The following MYO18A variants were observed in gnomAD, a reference collection of about 807,000 sequenced individuals.
MYO18A encodes unconventional myosin-XVIIIa.
MYO18A carries 78 observed loss-of-function variants against 235.8 expected under a neutral mutation model. That is an observed-to-expected ratio of 0.33 (90% confidence interval 0.28 to 0.40). The LOEUF is 0.40. MYO18A is among the 10% of genes least tolerant of loss of function. The pLI is 1.00. For missense variants in MYO18A, 2,215 were observed against 2,699.3 expected (o/e 0.82, Z 3.98); for synonymous variants, 977 against 1,077.8 (o/e 0.91, Z 1.83).
chr17:29,089,291 C>T (rs1450469531), intron 37 of MYO18A, among the ~76,000 whole-genome samples: 1 of 150,904 alleles, frequency 6.6e-6, no homozygotes, highest in Non-Finnish European at 1.5e-5. Context: ...AAAAAAAGCA[C>T]GTGCCTGTAG....
At chr17:29,093,266 C>T in intron 32 of MYO18A, 57 bp downstream of exon 32, 1 of 1,469,714 alleles carries the variant, frequency 6.8e-7, no homozygotes, top group Admixed American at 1.9e-5. Flanking sequence ...GATCCCCACT[C>T]CTCAGGCCGC....
chr17:29,082,302 G>A lies in MYO18A; in HGVS notation c.6020+14C>T, dbSNP rs762303561. 33 of 1,613,622 alleles carry A rather than the reference G, an allele frequency of 2.0e-5. No individual in the cohort carries two copies. Among genetic ancestry groups the A allele is most frequent in the Non-Finnish European group, 2.7e-5 (32 of 1,179,722 alleles). On this transcript the variant is annotated intron_variant, in intron 41 of 41. Coordinates refer to ENST00000527372, the MANE Select transcript of MYO18A (RefSeq NM_078471.4). ...AAGGTGGCTTTTCCTCCCAGCTCAA[G>A]GCCATATGCTCACCTGGAACTCTTT...
At position 29,121,661 on chromosome 17, in the gene MYO18A, G is replaced by A; in HGVS notation, c.1257C>T (p.Ser419=). The part of the protein sequence containing the change: ...DLASLVYLNE[S]SVLHTLRQRY... ...GCTGGCGCAAGGTGTGCAGGACGCT[G>A]GACTCATTGAGGTACACCAGTGAGG... The change falls in exon 5 of 42, where the codon TCC becomes TCT. Residue 419 remains serine, a synonymous_variant. Coordinates refer to ENST00000527372, the MANE Select transcript of MYO18A (RefSeq NM_078471.4). This position sits in a 1 kb window ranked among gnomAD's most constrained non-coding sequence, Gnocchi z 4.2. 6.4e-7 allele frequency: 1 copy of A among 1,566,590 alleles called. No homozygotes were observed. The highest frequency in any genetic ancestry group is 8.7e-7 in the Non-Finnish European group (1 of 1,155,738).
Position 29,106,253 on chromosome 17 carries a change from C to T in MYO18A, c.3441+827G>A, listed in dbSNP as rs145164018. On this transcript the variant is annotated intron_variant, in intron 20 of 41. Transcript: ENST00000527372. The surrounding 1 kb of genome is among the most constrained non-coding windows in gnomAD (Gnocchi z 4.6). Reference sequence around the variant, plus strand: ...GGGCCTGTGAGAAGGGGGCGTGGGACGGGCATCTATGTCCACATGAGGTTG... The same window carrying T: ...GGGCCTGTGAGAAGGGGGCGTGGGATGGGCATCTATGTCCACATGAGGTTG... Among the ~76,000 whole-genome samples, 46 of 152,170 alleles carry T rather than the reference C, an allele frequency of 3.0e-4. No individual in the cohort carries two copies. The East Asian group carries it at 3.7e-3, about 12-fold the overall frequency.
intron 1 of MYO18A, among the ~76,000 whole-genome samples, chr17:29,173,369 G>A (rs1310326370): frequency 5.9e-5 from 9 of 151,588 alleles, no homozygotes; most frequent in Non-Finnish European, 1.3e-4. Context: ...TGGGATTACA[G>A]GCTTGAGCCA....
chr17:29,138,508 AG>A (rs1252882797), intron 2 of MYO18A, among the ~76,000 whole-genome samples: 3 of 152,214 alleles, frequency 2.0e-5, no homozygotes, highest in Admixed American at 6.5e-5. Flanking sequence ...AGGGCGAGGA[AG>A]GGTGGCAGGA....
At chr17:29,108,316 AC>A (rs1237561810) in intron 19 of MYO18A, among the ~76,000 whole-genome samples, 1 of 152,010 alleles carries the variant, frequency 6.6e-6, no homozygotes, top group Non-Finnish European at 1.5e-5. Context: ...GGGAGGTGTG[AC>A]CTGACTTTTG....
rs766119466 is a variant in MYO18A at position 29,073,984 on chromosome 17, C to A, written c.*786G>T. 1.8e-5 allele frequency: 29 copies of A among 1,613,864 alleles called. No homozygotes were observed. The South Asian group carries it at 3.0e-4, about 17-fold the overall frequency. ...GGTTTACCTTAAATAGGTCATTGCACATAACACGCTGAGACAAAGAGGGTG... is the reference window on the plus strand; with the variant it reads ...GGTTTACCTTAAATAGGTCATTGCAAATAACACGCTGAGACAAAGAGGGTG... On this transcript the variant is annotated 3_prime_UTR_variant, in exon 42 of 42. Transcript: ENST00000527372.
At chr17:29,171,478 T>C (rs1445071450) in intron 1 of MYO18A, among the ~76,000 whole-genome samples, 1 of 151,912 alleles carries the variant, frequency 6.6e-6, no homozygotes, top group African/African-American at 2.4e-5. Flanking sequence ...TTTGTAAATA[T>C]CCACTCAAAA....
At chr17:29,154,303 G>C (rs1325734682) in intron 2 of MYO18A, among the ~76,000 whole-genome samples, 1 of 152,064 alleles carries the variant, frequency 6.6e-6, no homozygotes, top group Non-Finnish European at 1.5e-5. Flanking sequence ...GCACAGGGTG[G>C]CTCACCTCCC....
chr17:29,096,173 AGAG>A (rs1212547128), intron 28 of MYO18A, among the ~76,000 whole-genome samples: 2 of 152,184 alleles, frequency 1.3e-5, no homozygotes, highest in African/African-American at 2.4e-5. Context: ...CTTCCCCTGC[AGAG>A]GAGAAATGGG....
chr17:29,134,029 A>G, intron 2 of MYO18A: 1 of 343,008 alleles, frequency 2.9e-6, no homozygotes. Context: ...TAAAATATTA[A>G]AGGAAAATGA....
chr17:29,110,711 A>C, intron 17 of MYO18A, 89 bp from the exon 18 acceptor site: 1 of 1,351,758 alleles, frequency 7.4e-7, no homozygotes, highest in Non-Finnish European at 1.0e-6. Context: ...CAGAACACTA[A>C]ACAGTCCCAT....
chr17:29,166,319 G>C lies in MYO18A; in HGVS notation c.622C>G (p.Pro208Ala), dbSNP rs1191118480. The C allele has an allele frequency of 4.3e-6, 7 of 1,612,372 alleles. No homozygotes were observed. In the Admixed American group the frequency reaches 6.7e-5, roughly 15 times the overall value. ...GGTGGGGGCAGGGGCACCACGGGGG[G>C]CAGGCGCAGGTCGACTGGGAACTTT... ...TKKFPVDLRLPPVVPLPPPTL... is the reference protein window; with the variant it reads ...TKKFPVDLRLAPVVPLPPPTL... The change falls in exon 2 of 42, where the codon CCC (proline) becomes GCC (alanine). Residue 208 changes from proline to alanine, a missense_variant. Transcript: ENST00000527372.
chr17:29,090,177 C>A, intron 36 of MYO18A, 79 bp from the exon 37 acceptor site: 1 of 1,485,156 alleles, frequency 6.7e-7, no homozygotes, highest in Non-Finnish European at 9.1e-7. Flanking sequence ...GGCAATATCA[C>A]CACAGTGACC....
At chr17:29,157,859 T>C (rs1410066184) in intron 2 of MYO18A, among the ~76,000 whole-genome samples, 1 of 152,056 alleles carries the variant, frequency 6.6e-6, no homozygotes, top group African/African-American at 2.4e-5. Flanking sequence ...AATGGCATAA[T>C]CACGGCTCAC....
chr17:29,103,750 C>G, intron 20 of MYO18A, 86 bp from the exon 21 acceptor site: 2 of 1,307,950 alleles, frequency 1.5e-6, no homozygotes, highest in South Asian at 2.4e-5. Flanking sequence ...CCCTTCCCCT[C>G]CCTCCTCCTA....
chr17:29,126,310 CGGG>C lies in MYO18A; in HGVS notation c.1000-4060_1000-4058del. 3.8e-5 allele frequency among the ~76,000 whole-genome samples: 1 copy of C among 26,340 alleles called. No individual in the cohort carries two copies. Among genetic ancestry groups the C allele is most frequent in the African/African-American group, 3.3e-4 (1 of 3,034 alleles). The allele number at this position is 26,340 out of a possible 152,430, so 17.3% of individuals were successfully genotyped here. On this transcript the variant is annotated intron_variant, in intron 2 of 41. Transcript: ENST00000527372. This position sits in a 1 kb window ranked among gnomAD's most constrained non-coding sequence, Gnocchi z 4.1. ...TCCTCCCTTGTGAGAGGAGGAGGGA[CGGG>C]GAGGAGGGACGGGGAGGAGGGAGGG... is the stretch of plus-strand genomic sequence containing the variant.
intron 2 of MYO18A, among the ~76,000 whole-genome samples, chr17:29,141,976 G>A (rs1317657407): frequency 6.6e-5 from 10 of 151,990 alleles, no homozygotes; most frequent in East Asian, 3.9e-4. Flanking sequence ...ACGGAGTCTC[G>A]CTCTGTCGCC....
Sources: gnomAD v4.1 joint callset for allele counts (sites outside exome capture counted in the v4.1 genomes callset) on GRCh38, gnomAD v4.1.1 for gene constraint, Gnocchi (gnomAD v3.1) non-coding constraint, MANE v1.5 for transcripts, NCBI Gene and HGNC (gene_info 2026-07-23, HGNC 2026-07-21) for gene names.